GRB7: variants seen among roughly 807,000 people sequenced by gnomAD.
The protein encoded by GRB7 is growth factor receptor-bound protein 7.
A neutral mutation model predicts 64.1 loss-of-function variants in GRB7; 47 were observed. That is an observed-to-expected ratio of 0.73 (90% CI 0.58 to 0.94). GRB7 has a LOEUF of 0.94. Among genes scored for constraint, GRB7 ranks in the 40% least tolerant of loss-of-function variants. The pLI is 0.00. For missense variants in GRB7, 634 were observed against 718.4 expected, an observed-to-expected ratio of 0.88 and a Z score of 1.34; for synonymous variants, 277 against 279.9, an observed-to-expected ratio of 0.99 and a Z score of 0.10.
chr17:39,739,932 C>T (rs769052665), intron 1 of GRB7: 45 of 953,018 alleles, frequency 4.7e-5, no homozygotes, highest in Non-Finnish European at 5.6e-5. Flanking sequence ...CGCCTCCAGC[C>T]TTAGAAGCTT....
At chr17:39,746,355 A>G (rs2060046734) in intron 14 of GRB7, among the ~76,000 whole-genome samples, 153 bp downstream of exon 14, 1 of 152,042 alleles carries the variant, frequency 6.6e-6, no homozygotes, top group Non-Finnish European at 1.5e-5. Flanking sequence ...GGTGGCTCAC[A>G]CCTGTAATCC....
Position 39,743,650 on chromosome 17 carries a change from G to A in GRB7, c.663+180G>A, listed in dbSNP as rs956434877. On this transcript the variant is annotated intron_variant, in intron 6 of 14. Transcript: ENST00000309156. The stretch of plus-strand genomic sequence containing the variant: ...TCAGTTTCTTCTATTAAATGGGGGC[G>A]AGAAATGCATGTGGAGCATTTCCTT... 270 of 623,706 alleles carry A rather than the reference G, an allele frequency of 4.3e-4. 6 individuals carry two copies. In the South Asian group the frequency reaches 4.6e-3, roughly 11 times the overall value. 38.6% of individuals were successfully genotyped at this position (623,706 alleles called of 1,614,324 possible). A position where few individuals can be genotyped will look rare whatever the true frequency, so the allele number is the denominator to read the frequency against.
At chr17:39,743,590 T>C (rs2060016540) in intron 6 of GRB7, 120 bp downstream of exon 6, 3 of 796,948 alleles carry the variant, frequency 3.8e-6, no homozygotes, top group Non-Finnish European at 6.6e-6. Context: ...CACAGTCCTG[T>C]GTGACTGGGG....
At position 39,746,822 on chromosome 17, in the gene GRB7, C is replaced by T; in HGVS notation, c.1524C>T (p.Leu508=). Residue 508 remains leucine, a synonymous_variant, in exon 15 of 15, where the codon CTC becomes CTT. Coordinates refer to ENST00000309156, the MANE Select transcript of GRB7 (RefSeq NM_005310.5). The part of the protein sequence containing the change: ...GQTRFTDLLQ[L]VEFHQLNRGI... ...CCCGCTTCACTGACCTGCTGCAGCT[C>T]GTGGAGTTCCACCAGCTGAACCGCG... 3 of 1,613,880 alleles carry T rather than the reference C, an allele frequency of 1.9e-6. No homozygotes were observed. Among genetic ancestry groups the T allele is most frequent in the East Asian group, 2.2e-5 (1 of 44,872 alleles).
chr17:39,743,340 G>A, intron 5 of GRB7, 39 bp downstream of exon 5: 1 of 1,614,184 alleles, frequency 6.2e-7, no homozygotes, highest in Non-Finnish European at 8.5e-7. Context: ...GGGATGCCCT[G>A]ATCCTCAACC....
In GRB7 at chr17:39,738,130, C is replaced by G. The variant is rs1180971849; in HGVS notation, c.-54C>G. 1.3e-5 allele frequency: 2 copies of G among 152,300 alleles called. No individual in the cohort carries two copies. Among genetic ancestry groups the G allele is most frequent in the African/African-American group, 2.4e-5 (1 of 41,418 alleles). The allele number at this position is 152,300 out of a possible 1,614,324, so 9.4% of individuals were successfully genotyped here. A position where few individuals can be genotyped will look rare whatever the true frequency, so the allele number is the denominator to read the frequency against. ...TCCTGCTACTCCTGCTGGGGCTCCT[C>G]CAGGTAAGGGGACCGAGATCGGTCT... On this transcript the variant is annotated 5_prime_UTR_variant, in exon 1 of 15. Transcript: ENST00000309156.
chr17:39,743,926 G>A (rs1001101339), intron 6 of GRB7, 144 bp from the exon 7 acceptor site: 19 of 998,428 alleles, frequency 1.9e-5, no homozygotes, highest in South Asian at 1.0e-4. Flanking sequence ...TCGGGAGGTC[G>A]AGGTTGCAGT....
At chr17:39,740,124 C>G in intron 1 of GRB7, 1 of 985,498 alleles carries the variant, frequency 1.0e-6, no homozygotes, top group Non-Finnish European at 1.2e-6. Flanking sequence ...GCAGGCGTGG[C>G]CCCCTGCAGC....
Position 39,745,513 on chromosome 17 carries a change from C to G in GRB7, c.1184C>G (p.Ala395Gly). 6.2e-7 allele frequency: 1 copy of G among 1,613,788 alleles called. No individual in the cohort carries two copies. The highest frequency in any genetic ancestry group is 8.5e-7 in the Non-Finnish European group (1 of 1,179,946). Residue 395 changes from alanine to glycine, a missense_variant, in exon 11 of 15, where the codon GCC becomes GGC. By Grantham distance (60) the Ala-to-Gly change is moderately conservative (BLOSUM62 0). Coordinates refer to ENST00000309156, the MANE Select transcript of GRB7 (RefSeq NM_005310.5). ...IENPREALSV[A>G]LEEAQAWRKK... is the part of the protein sequence containing the mutation. ...AACCCCCGGGAGGCTCTGAGTGTGG[C>G]CCTGGAGGAGGCCCAGGCCTGGAGG...
Position 39,743,061 on chromosome 17 carries a change from C to A in GRB7, c.463+7C>A. The A allele has an allele frequency of 6.2e-7, 1 of 1,601,016 alleles. No homozygotes were observed. The highest frequency in any genetic ancestry group is 1.1e-5 in the South Asian group (1 of 89,086). ...CACCCCCACCTAGCACTGGGTAAGTCAGGTGCATGGAACTATCCGGGCTGG... is the reference window on the plus strand; with the variant it reads ...CACCCCCACCTAGCACTGGGTAAGTAAGGTGCATGGAACTATCCGGGCTGG... On this transcript the variant is annotated splice_region_variant and intron_variant, in intron 4 of 14. Coordinates refer to ENST00000309156, the MANE Select transcript of GRB7 (RefSeq NM_005310.5).
In GRB7 at chr17:39,742,541, C is replaced by G. The variant is rs199731242; in HGVS notation, c.156-25C>G. Reference sequence around the variant, plus strand: ...GGCCACTGCTCCCTTCCCCACACCTCTCTCCCTTTTTCTTCTTGCCACAGG... The same window carrying G: ...GGCCACTGCTCCCTTCCCCACACCTGTCTCCCTTTTTCTTCTTGCCACAGG... On this transcript the variant is annotated intron_variant, in intron 2 of 14. Transcript: ENST00000309156. 1.1e-5 allele frequency: 18 copies of G among 1,613,830 alleles called. No individual in the cohort carries two copies. In the East Asian group the frequency reaches 3.6e-4, roughly 32 times the overall value.
intron 14 of GRB7, among the ~76,000 whole-genome samples, chr17:39,746,444 C>T (rs2060047314): frequency 6.6e-6 from 1 of 151,946 alleles, no homozygotes; most frequent in Admixed American, 6.6e-5. Context: ...CAGGGAGACC[C>T]CATCTCTACA....
At position 39,746,799 on chromosome 17, in the gene GRB7, C is replaced by T. The variant is rs375385929; in HGVS notation, c.1501C>T (p.Arg501Cys). The T allele has an allele frequency of 1.3e-5, 21 of 1,613,980 alleles. No homozygotes were observed. The highest frequency in any genetic ancestry group is 2.2e-5 in the East Asian group (1 of 44,902). ...LYFSMDDGQTRFTDLLQLVEF... is the reference protein window; with the variant it reads ...LYFSMDDGQTCFTDLLQLVEF... ...CTTCAGCATGGATGATGGCCAGACCCGCTTCACTGACCTGCTGCAGCTCGT... is the reference window on the plus strand; with the variant it reads ...CTTCAGCATGGATGATGGCCAGACCTGCTTCACTGACCTGCTGCAGCTCGT... Residue 501 changes from arginine to cysteine, a missense_variant, in exon 15 of 15, where the codon CGC becomes TGC. Transcript: ENST00000309156.
intron 9 of GRB7, 50 bp downstream of exon 9, chr17:39,745,034 C>G: frequency 6.9e-7 from 1 of 1,446,344 alleles, no homozygotes; most frequent in South Asian, 1.2e-5. Flanking sequence ...GAGGGATCCC[C>G]AGCTCTGCCC....
At chr17:39,742,844 G>C (rs773964032) in intron 3 of GRB7, 54 bp from the exon 4 acceptor site, 21 of 1,541,318 alleles carry the variant, frequency 1.4e-5, no homozygotes, top group Admixed American at 2.0e-5. Flanking sequence ...GTGCGGAAAG[G>C]GAATGAATCA....
chr17:39,742,255 A>G lies in GRB7; in HGVS notation c.-47A>G. The G allele has an allele frequency of 6.2e-7, 1 of 1,612,490 alleles. No individual in the cohort carries two copies. ...TTCTCTCATCCCCTCTCCCCAGGAC[A>G]AGGGCACACAACTGGTTCCGTTAAG... On this transcript the variant is annotated 5_prime_UTR_variant, in exon 2 of 15. Coordinates refer to ENST00000309156, the MANE Select transcript of GRB7 (RefSeq NM_005310.5).
chr17:39,745,298 C>T lies in GRB7; in HGVS notation c.1067C>T (p.Pro356Leu), dbSNP rs1185189744. Residue 356 changes from proline to leucine, a missense_variant, in exon 10 of 15, where the codon CCA becomes CTA. By Grantham distance (98) the Pro-to-Leu change is moderately conservative. Around this residue, in one of 2 missense-constraint regions of GRB7, gnomAD observed 467 missense variants for 576.6 expected, o/e 0.81. Coordinates refer to ENST00000309156, the MANE Select transcript of GRB7 (RefSeq NM_005310.5). ...YQQAQSRHLH[P>L]SCLGSPPLRS... is the part of the protein sequence containing the mutation. ...CAGGCACAGTCTCGCCATCTGCATC[C>T]ATCTTGTTTGGGCTCCCCACCCTTG... 1.2e-6 allele frequency: 2 copies of T among 1,611,658 alleles called. No individual in the cohort carries two copies. Among genetic ancestry groups the T allele is most frequent in the African/African-American group, 1.3e-5 (1 of 74,886 alleles).
At position 39,743,230 on chromosome 17, in the gene GRB7, C is replaced by A; in HGVS notation, c.514C>A (p.Pro172Thr). 6.2e-7 allele frequency: 1 copy of A among 1,614,174 alleles called. No individual in the cohort carries two copies. Residue 172 changes from proline to threonine, a missense_variant, in exon 5 of 15, where the codon CCC becomes ACC. Physicochemically the swap from Pro to Thr is conservative, Grantham distance 38. Coordinates refer to ENST00000309156, the MANE Select transcript of GRB7 (RefSeq NM_005310.5). ...ESVVEVQAAW[P>T]VGGDSRFVFR... ...CGTGGTGGAAGTGCAGGCTGCCTGG[C>A]CCGTGGGCGGAGATAGCCGCTTCGT...
intron 2 of GRB7, 43 bp from the exon 3 acceptor site, chr17:39,742,522 TG>T: frequency 6.2e-7 from 1 of 1,613,362 alleles, no homozygotes; most frequent in Non-Finnish European, 8.5e-7. Context: ...TGCAGGCCAC[TG>T]CTCCCTTCCC....
Sources: gnomAD v4.1 joint callset for allele counts (sites outside exome capture counted in the v4.1 genomes callset) on GRCh38, gnomAD v4.1.1 for gene constraint, gnomAD v4.1.1 regional missense constraint, MANE v1.5 for transcripts, NCBI Gene and HGNC (gene_info 2026-07-23, HGNC 2026-07-21) for gene names.